Variants in RIC3 observed in about 807,000 individuals in gnomAD.
The protein encoded by RIC3 is protein RIC-3.
RIC3 carries 28 observed loss-of-function variants against 27.3 expected under a neutral mutation model. The ratio of observed to expected loss-of-function variants is 1.02; its 90% CI spans 0.76 to 1.41. The LOEUF (loss-of-function observed/expected upper bound fraction) is 1.41. Ranked by LOEUF, RIC3 falls within the 40% of genes most tolerant of loss-of-function variation. The pLI is 0.00. For missense variants in RIC3, 501 were observed against 444.7 expected, an observed-to-expected ratio of 1.13 and a Z score of -1.14; for synonymous variants, 184 against 160.4, an observed-to-expected ratio of 1.15 and a Z score of -1.11.
At chr11:8,141,389 G>C (rs1379243810) in intron 1 of RIC3, among the ~76,000 whole-genome samples, 2 of 152,180 alleles carry the variant, frequency 1.3e-5, no homozygotes, top group Non-Finnish European at 2.9e-5. Context: ...CCTAGTTTCT[G>C]ATAAAACAGA....
rs926948840 is a variant in RIC3, at chr11:8,107,279, G to A, written c.*3419C>T. ...AACTTTGAGAGTGTGGTAATAATTC[G>A]GGTTTGTTTATTCCCCCAGATCTAG... On this transcript the variant is annotated 3_prime_UTR_variant, in exon 6 of 6. Transcript: ENST00000309737. The A allele has an allele frequency of 8.5e-5, 13 of 152,090 alleles. No individual in the cohort carries two copies. The highest frequency in any genetic ancestry group is 1.3e-4 in the Non-Finnish European group (9 of 68,014). The allele number at this position is 152,090 out of a possible 1,614,324, so 9.4% of individuals were successfully genotyped here. A position where few individuals can be genotyped will look rare whatever the true frequency, so the allele number is the denominator to read the frequency against.
intron 1 of RIC3, 89 bp from the exon 2 acceptor site, chr11:8,140,282 C>G: frequency 1.7e-6 from 2 of 1,198,450 alleles, no homozygotes; most frequent in Non-Finnish European, 1.2e-6. Context: ...ATAAAAGAGG[C>G]CAACACAAAC....
At chr11:8,132,051 T>C (rs1047955135) in intron 4 of RIC3, among the ~76,000 whole-genome samples, 1 of 152,102 alleles carries the variant, frequency 6.6e-6, no homozygotes, top group African/African-American at 2.4e-5. Flanking sequence ...AAATCTGTAG[T>C]CCCACATACA....
intron 1 of RIC3, among the ~76,000 whole-genome samples, chr11:8,149,525 A>T (rs746907753): frequency 2.6e-5 from 4 of 152,242 alleles, no homozygotes; most frequent in Non-Finnish European, 5.9e-5. Context: ...TATAGGCTCT[A>T]ATATAGACAG....
chr11:8,133,032 G>A (rs191523256), intron 4 of RIC3, among the ~76,000 whole-genome samples: 14 of 152,248 alleles, frequency 9.2e-5, no homozygotes, highest in South Asian at 6.2e-4. Context: ...AGTATTAAGA[G>A]GTGGCACCTT....
At chr11:8,112,267 A>C (rs1029934549) in intron 5 of RIC3, among the ~76,000 whole-genome samples, 1 of 149,016 alleles carries the variant, frequency 6.7e-6, no homozygotes, top group African/African-American at 2.5e-5. Context: ...ATATACACAT[A>C]TATTTTCTTT....
At chr11:8,132,037 GC>G (rs1277022087) in intron 4 of RIC3, among the ~76,000 whole-genome samples, 1 of 151,744 alleles carries the variant, frequency 6.6e-6, no homozygotes, top group East Asian at 1.9e-4. Flanking sequence ...GGAATTCATG[GC>G]AAAAATCTGT....
At chr11:8,160,216 G>C (rs1261652372) in intron 1 of RIC3, among the ~76,000 whole-genome samples, 1 of 152,104 alleles carries the variant, frequency 6.6e-6, no homozygotes, top group Non-Finnish European at 1.5e-5. Context: ...CCAATGTCTA[G>C]GATTTGCTTC....
intron 1 of RIC3, among the ~76,000 whole-genome samples, chr11:8,153,800 C>T (rs1407620609): frequency 6.6e-6 from 1 of 152,156 alleles, no homozygotes; most frequent in Non-Finnish European, 1.5e-5. Context: ...TAAAAATGAA[C>T]TCATTTTCAC....
chr11:8,111,689 G>A (rs572120046), intron 5 of RIC3, among the ~76,000 whole-genome samples: 15 of 152,316 alleles, frequency 9.8e-5, no homozygotes, highest in African/African-American at 2.9e-4. Flanking sequence ...CCAAGATCCC[G>A]AAAGGACAAG....
At position 8,108,107 on chromosome 11, in the gene RIC3, A is replaced by C. The variant is rs1294010492; in HGVS notation, c.*2591T>G. The C allele has an allele frequency of 1.3e-5, 2 of 152,222 alleles. No individual in the cohort carries two copies. The highest frequency in any genetic ancestry group is 2.9e-5 in the Non-Finnish European group (2 of 68,034). 9.4% of individuals were successfully genotyped at this position (152,222 alleles called of 1,614,324 possible). ...AAATATATTCCTTATATATAAACCAACCAAGAGCTAGGGCAGGAAGAACCA... is the reference window on the plus strand; with the variant it reads ...AAATATATTCCTTATATATAAACCACCCAAGAGCTAGGGCAGGAAGAACCA... On this transcript the variant is annotated 3_prime_UTR_variant, in exon 6 of 6. Coordinates refer to ENST00000309737, the MANE Select transcript of RIC3 (RefSeq NM_001206671.4).
the RIC3 span, chr11:8,100,566 A>T: frequency 6.2e-7 from 1 of 1,614,120 alleles, no homozygotes; most frequent in Non-Finnish European, 8.5e-7. Context: ...AGGCATGAAC[A>T]TGGTTCATGA....
At chr11:8,167,001 T>C (rs1403478669) in intron 1 of RIC3, among the ~76,000 whole-genome samples, 1 of 152,172 alleles carries the variant, frequency 6.6e-6, no homozygotes, top group Non-Finnish European at 1.5e-5. Flanking sequence ...CAATGGTGTA[T>C]GTAACCCCAA....
rs113246292 is a variant in RIC3, at chr11:8,107,068, C to T, written c.*3630G>A. ...GGTTCTCTGAGAGGTTAAGGAATGA[C>T]CTAAGAGGAGAAATTTGGGCTATTT... On this transcript the variant is annotated 3_prime_UTR_variant, in exon 6 of 6. Coordinates refer to ENST00000309737, the MANE Select transcript of RIC3 (RefSeq NM_001206671.4). 8.6e-5 allele frequency: 13 copies of T among 152,030 alleles called. No individual in the cohort carries two copies. Among genetic ancestry groups the T allele is most frequent in the African/African-American group, 3.1e-4 (13 of 41,454 alleles). 9.4% of individuals were successfully genotyped at this position (152,030 alleles called of 1,614,324 possible).
chr11:8,168,851 C>A lies in RIC3; in HGVS notation c.124+15G>T, dbSNP rs369052723. 9 of 1,608,582 alleles carry A rather than the reference C, an allele frequency of 5.6e-6. No individual in the cohort carries two copies. Among genetic ancestry groups the A allele is most frequent in the Non-Finnish European group, 7.6e-6 (9 of 1,177,132 alleles). On this transcript the variant is annotated intron_variant, in intron 1 of 5. Transcript: ENST00000309737. Reference sequence around the variant, plus strand: ...TCGGCGCCGGGAAGCTCAGAGGGAGCTGGCCTGCTCTTACCTTCAGGTGTC... The same window carrying A: ...TCGGCGCCGGGAAGCTCAGAGGGAGATGGCCTGCTCTTACCTTCAGGTGTC...
At chr11:8,126,883 G>A in intron 4 of RIC3, 76 bp from the exon 5 acceptor site, 1 of 1,558,252 alleles carries the variant, frequency 6.4e-7, no homozygotes, top group Non-Finnish European at 8.8e-7. Flanking sequence ...ACTATGGTCT[G>A]TCTGGGTACT....
chr11:8,093,755 C>T, the RIC3 span, among the ~76,000 whole-genome samples: 1 of 152,162 alleles, frequency 6.6e-6, no homozygotes, highest in African/African-American at 2.4e-5. Context: ...GTTTGGTGGC[C>T]CAGAACTTTT....
downstream of RIC3, chr11:8,104,368 C>T (rs995839530): frequency 6.6e-6 from 1 of 152,308 alleles, no homozygotes; most frequent in African/African-American, 2.4e-5. Context: ...TTCCCCAACT[C>T]TTCTCCAAGT....
At chr11:8,094,304 GAC>G in the RIC3 span, 57 of 1,337,060 alleles carry the variant, frequency 4.3e-5, no homozygotes, top group African/African-American at 6.3e-4. Context: ...CCTCAGGGAA[GAC>G]ACAGACTGCC....
Sources: allele counts gnomAD v4.1 joint callset (sites outside exome capture counted in the v4.1 genomes callset), GRCh38; gene constraint gnomAD v4.1.1; transcripts MANE v1.5; gene names NCBI Gene and HGNC (gene_info 2026-07-23, HGNC 2026-07-21).